The following SERPINA12 variants were observed in gnomAD, a reference collection of about 807,000 sequenced individuals.
The protein encoded by SERPINA12 is serpin A12.
In SERPINA12, 21 loss-of-function variants were observed where a neutral mutation model predicts 25.9. That is an observed-to-expected ratio of 0.81 (90% CI 0.58 to 1.17). The LOEUF (loss-of-function observed/expected upper bound fraction) is 1.17. Among genes scored for constraint, SERPINA12 ranks in the 50% most tolerant of loss-of-function variants. The pLI is 0.00. For missense variants in SERPINA12, 562 were observed against 508.3 expected, an observed-to-expected ratio of 1.11 and a Z score of -1.02; for synonymous variants, 220 against 196.0, an observed-to-expected ratio of 1.12 and a Z score of -1.02.
At chr14:94,496,947 C>A (rs909741957) in intron 2 of SERPINA12, among the ~76,000 whole-genome samples, 1 of 152,212 alleles carries the variant, frequency 6.6e-6, no homozygotes, top group Non-Finnish European at 1.5e-5. Flanking sequence ...ACAGAGGGGA[C>A]TGCATTACAA....
In SERPINA12 at chr14:94,496,631, T is replaced by C. The variant is rs751837250; in HGVS notation, c.647A>G (p.His216Arg). Residue 216 changes from histidine (H) to arginine (R), a missense_variant, in exon 3 of 5, where the codon CAT becomes CGT. By Grantham distance (29) the His-to-Arg change is conservative. Transcript: ENST00000677451. ...NYIFFRARWK[H>R]EFDPNVTKEE... ...TTTAGTTACATTTGGATCAAACTCA[T>C]GTTTCCACCTGGCTTAGATTGAAGA... is the stretch of plus-strand genomic sequence containing the variant. 3 of 1,614,018 alleles carry C rather than the reference T, an allele frequency of 1.9e-6. No homozygotes were observed. In the Admixed American group the frequency reaches 5.0e-5, roughly 27 times the overall value.
intron 4 of SERPINA12, among the ~76,000 whole-genome samples, chr14:94,488,619 T>C (rs185541568): frequency 1.6e-4 from 24 of 152,276 alleles, no homozygotes; most frequent in African/African-American, 5.8e-4. Context: ...ATATTATTCA[T>C]CATTTATCTA....
intron 4 of SERPINA12, 127 bp from the exon 5 acceptor site, chr14:94,487,621 T>C (rs952835296): frequency 1.5e-5 from 10 of 662,828 alleles, no homozygotes; most frequent in Non-Finnish European, 2.2e-5. Context: ...AGTAACTTGG[T>C]TTACTCCAGG....
chr14:94,517,102 A>G (rs66979124), intron 1 of SERPINA12, among the ~76,000 whole-genome samples: 49,250 of 152,174 alleles, frequency 0.32, 8,066 homozygotes, highest in Middle Eastern at 0.36. Flanking sequence ...CCAGCAGCCA[A>G]GGACCACACG....
chr14:94,510,972 A>T (rs1046864375), upstream of SERPINA12, among the ~76,000 whole-genome samples: 1 of 152,090 alleles, frequency 6.6e-6, no homozygotes, highest in African/African-American at 2.4e-5. Flanking sequence ...AGGTATAAAA[A>T]ACTACATATT....
At chr14:94,511,254 C>CAT (rs527355602), upstream of SERPINA12, 331 of 227,854 alleles carry the variant, frequency 1.5e-3, 4 homozygotes, top group South Asian at 0.019. Context: ...CACACACACA[C>CAT]ATATATATAT....
chr14:94,515,604 G>A (rs1414047616), intron 2 of SERPINA12, among the ~76,000 whole-genome samples: 3 of 152,206 alleles, frequency 2.0e-5, no homozygotes, highest in African/African-American at 7.2e-5. Flanking sequence ...GGCAGGGACA[G>A]CCAGGTTCTG....
At chr14:94,509,950 G>T, upstream of SERPINA12, 3 of 984,666 alleles carry the variant, frequency 3.0e-6, no homozygotes, top group Non-Finnish European at 3.6e-6. Context: ...TAGAATACCA[G>T]CCGCCTGGCA....
At chr14:94,487,859 C>T (rs1361520120) in intron 4 of SERPINA12, among the ~76,000 whole-genome samples, 1 of 152,166 alleles carries the variant, frequency 6.6e-6, no homozygotes, top group African/African-American at 2.4e-5. Context: ...TACCCCCACC[C>T]TGAAGCCTCC....
At chr14:94,510,033 C>T (rs1595701157), upstream of SERPINA12, 1 of 985,426 alleles carries the variant, frequency 1.0e-6, no homozygotes. Flanking sequence ...TCCAACCCCA[C>T]CCCACTCCCG....
intron 1 of SERPINA12, among the ~76,000 whole-genome samples, chr14:94,499,612 G>T (rs142850504): frequency 1.3e-5 from 2 of 152,142 alleles, no homozygotes; most frequent in Admixed American, 1.3e-4. Flanking sequence ...GTAATCTGTG[G>T]GTAATAGTCA....
rs1415762560 is a variant in SERPINA12, at chr14:94,496,566, C to G, written c.712G>C (p.Val238Leu). ...FFLEKNSSVK[V>L]PMMFRSGIYQ... Reference sequence around the variant, plus strand: ...ATGCCACTACGGAACATCATGGGCACCTTGACTGAACTGTTTTTCTCCAGA... The same window carrying G: ...ATGCCACTACGGAACATCATGGGCAGCTTGACTGAACTGTTTTTCTCCAGA... Residue 238 changes from valine to leucine, a missense_variant, in exon 3 of 5, where the codon GTG (valine) becomes CTG (leucine). Val to Leu is a conservative substitution (Grantham distance 32). Transcript: ENST00000677451. 1 of 1,614,032 alleles carries G rather than the reference C, an allele frequency of 6.2e-7. No individual in the cohort carries two copies. Among genetic ancestry groups the G allele is most frequent in the Non-Finnish European group, 8.5e-7 (1 of 1,179,942 alleles).
At chr14:94,489,414 T>C (rs971578309) in intron 4 of SERPINA12, among the ~76,000 whole-genome samples, 1 of 152,090 alleles carries the variant, frequency 6.6e-6, no homozygotes, top group Non-Finnish European at 1.5e-5. Flanking sequence ...ATAGCAGCAG[T>C]TTTAAAGACT....
chr14:94,500,811 CCAGTGACGTTGAGTTACATGGT>C, intron 1 of SERPINA12: 1 of 978,740 alleles, frequency 1.0e-6, no homozygotes, highest in African/African-American at 1.7e-5. Flanking sequence ...CTCTGGACCC[CCAGTGACGTTGAGTTACATGGT>C]CACTTCCTTG....
intron 1 of SERPINA12, chr14:94,516,290 G>A (rs1901231491): frequency 6.6e-6 from 1 of 152,624 alleles, no homozygotes; most frequent in South Asian, 2.1e-4. Flanking sequence ...CAGCCAGGTG[G>A]GGAGGGAGAA....
chr14:94,517,193 G>GCCA (rs1566817964), intron 1 of SERPINA12, among the ~76,000 whole-genome samples: 5 of 150,828 alleles, frequency 3.3e-5, no homozygotes, highest in Non-Finnish European at 7.4e-5. Flanking sequence ...GGGACCATGT[G>GCCA]TAGCACAGCC....
At chr14:94,507,544 C>T (rs1435913220) in intron 1 of SERPINA12, among the ~76,000 whole-genome samples, 2 of 152,140 alleles carry the variant, frequency 1.3e-5, no homozygotes, top group Non-Finnish European at 2.9e-5. Flanking sequence ...AAGACATGAA[C>T]AAATACTTCA....
intron 1 of SERPINA12, among the ~76,000 whole-genome samples, chr14:94,508,755 A>T (rs113294831): frequency 2.0e-5 from 3 of 152,352 alleles, no homozygotes; most frequent in African/African-American, 7.2e-5. Flanking sequence ...GAGTTCTTAT[A>T]TATATCAATA....
chr14:94,511,119 T>C (rs1424754123), upstream of SERPINA12, among the ~76,000 whole-genome samples: 5 of 152,124 alleles, frequency 3.3e-5, no homozygotes, highest in African/African-American at 2.4e-5. Flanking sequence ...CAGAAAAATA[T>C]TTATGGAAGG....
Sources: allele counts gnomAD v4.1 joint callset (sites outside exome capture counted in the v4.1 genomes callset), GRCh38; gene constraint gnomAD v4.1.1; transcripts MANE v1.5; gene names NCBI Gene and HGNC (gene_info 2026-07-23, HGNC 2026-07-21).